The following NSD1 variants were observed in gnomAD, a reference collection of about 807,000 sequenced individuals.
NSD1 encodes nuclear receptor binding SET domain protein 1.
Under a neutral mutation model 242.7 loss-of-function variants are expected in NSD1, and 26 were observed. The ratio of observed to expected loss-of-function variants is 0.11; its 90% confidence interval spans 0.08 to 0.15. NSD1 has a LOEUF of 0.15. Ranked by LOEUF, NSD1 falls within the 10% of genes least tolerant of loss-of-function variation. The pLI is 1.00. For synonymous variants in NSD1, 1,106 were observed against 1,178.1 expected (o/e 0.94, Z 1.25); for missense variants, 2,495 against 3,272.8 (o/e 0.76, Z 5.80).
intron 4 of NSD1, 67 bp from the exon 5 acceptor site, chr5:177,209,569 T>A: frequency 8.2e-7 from 1 of 1,213,354 alleles, no homozygotes; most frequent in Non-Finnish European, 1.2e-6. Flanking sequence ...AGCTTCTGAT[T>A]TCATCTCCCT....
chr5:177,218,992 C>T (rs1764021880), intron 5 of NSD1, among the ~76,000 whole-genome samples: 1 of 151,702 alleles, frequency 6.6e-6, no homozygotes, highest in Non-Finnish European at 1.5e-5. Context: ...AAAGATGTTG[C>T]TCTGTAGTTT....
intron 2 of NSD1, among the ~76,000 whole-genome samples, chr5:177,164,301 C>T (rs1344611572): frequency 1.3e-5 from 2 of 151,946 alleles, no homozygotes; most frequent in South Asian, 2.1e-4. Flanking sequence ...GGATTACAGG[C>T]GCCTGCCACC....
intron 20 of NSD1, among the ~76,000 whole-genome samples, chr5:177,288,166 G>A (rs1192626593): frequency 6.6e-6 from 1 of 152,156 alleles, no homozygotes; most frequent in Non-Finnish European, 1.5e-5. Context: ...ATGGACCTTT[G>A]ACAGAAAGAG....
Position 177,204,120 on chromosome 5 carries a change from T to C in NSD1, c.1064T>C (p.Val355Ala). ...TTCTGGTTCTCTTACCCTTACCTAGTTTCCAACCGGAGGCCCTATCGGCAG... is the reference window on the plus strand; with the variant it reads ...TTCTGGTTCTCTTACCCTTACCTAGCTTCCAACCGGAGGCCCTATCGGCAG... ...PLINTHSKMKVSNRRPYRQYY... is the reference protein window; with the variant it reads ...PLINTHSKMKASNRRPYRQYY... The change falls in exon 4 of 23, where the codon GTT becomes GCT. Residue 355 changes from valine to alanine, a missense_variant and splice_region_variant. Around this residue, in one of 19 missense-constraint regions of NSD1, gnomAD observed 65 missense variants for 136.2 expected, o/e 0.48. Coordinates refer to ENST00000439151, the MANE Select transcript of NSD1 (RefSeq NM_022455.5). 6.2e-7 allele frequency: 1 copy of C among 1,613,892 alleles called. No individual in the cohort carries two copies.
chr5:177,185,222 C>G (rs34177314), intron 2 of NSD1, among the ~76,000 whole-genome samples: 3,855 of 152,152 alleles, frequency 0.025, 48 homozygotes, highest in African/African-American at 0.029. Flanking sequence ...AATCCCAGTA[C>G]TTTAGGAGGG....
intron 2 of NSD1, among the ~76,000 whole-genome samples, chr5:177,143,783 CTTTTTTTTT>C (rs11300578): frequency 8.3e-6 from 1 of 121,132 alleles, no homozygotes; most frequent in Non-Finnish European, 1.7e-5. Flanking sequence ...TACAAGATAA[CTTTTTTTTT>C]TTTTTTTTTT....
At chr5:177,246,656 A>T in intron 9 of NSD1, 22 bp from the exon 10 acceptor site, 2 of 1,532,922 alleles carry the variant, frequency 1.3e-6, no homozygotes, top group Non-Finnish European at 1.8e-6. Flanking sequence ...GCCAGCAGTT[A>T]ACACCTATTT....
chr5:177,228,646 A>G (rs1275988981), intron 5 of NSD1, among the ~76,000 whole-genome samples: 2 of 152,092 alleles, frequency 1.3e-5, no homozygotes, highest in African/African-American at 2.4e-5. Flanking sequence ...GGGTCTAATA[A>G]TCTGTATTGG....
At chr5:177,257,361 G>T (rs1490267755) in intron 13 of NSD1, among the ~76,000 whole-genome samples, 4 of 151,518 alleles carry the variant, frequency 2.6e-5, no homozygotes, top group African/African-American at 9.7e-5. Context: ...CTCCTGAGTA[G>T]CTGGGACTAC....
intron 2 of NSD1, among the ~76,000 whole-genome samples, chr5:177,181,275 C>G (rs1030934179): frequency 1.3e-5 from 2 of 151,906 alleles, no homozygotes; most frequent in Admixed American, 1.3e-4. Context: ...AGTGACAGAG[C>G]AAGACTGTCT....
Position 177,265,708 on chromosome 5 carries a change from C to T in NSD1, c.5147-1854C>T. On this transcript the variant is annotated intron_variant, in intron 14 of 22. Coordinates refer to ENST00000439151, the MANE Select transcript of NSD1 (RefSeq NM_022455.5). ...TGCCGAAGATCTCCTCGCCCGTCTT[C>T]AAGGTCAGGTAGTCCTCCATGTAGA... The T allele has an allele frequency of 1.4e-5, 22 of 1,608,490 alleles. No homozygotes were observed. In the South Asian group the frequency reaches 2.3e-4, roughly 17 times the overall value.
At chr5:177,173,257 A>G (rs377692780) in intron 2 of NSD1, among the ~76,000 whole-genome samples, 1 of 143,682 alleles carries the variant, frequency 7.0e-6, no homozygotes, top group South Asian at 2.2e-4. Flanking sequence ...GCGCCACTGC[A>G]CTCCAGCCTT....
intron 2 of NSD1, chr5:177,137,112 T>A: frequency 2.5e-6 from 1 of 403,872 alleles, no homozygotes; most frequent in Non-Finnish European, 4.4e-6. Flanking sequence ...TTTGAGCTTA[T>A]GAAGAATTTC....
At chr5:177,236,790 A>C (rs1300630313) in intron 6 of NSD1, among the ~76,000 whole-genome samples, 1 of 152,240 alleles carries the variant, frequency 6.6e-6, no homozygotes, top group Admixed American at 6.5e-5. Context: ...TATATTGTAC[A>C]TTAGAGGGTT....
intron 22 of NSD1, 56 bp from the exon 23 acceptor site, chr5:177,293,776 C>T (rs1438463473): frequency 6.3e-7 from 1 of 1,590,304 alleles, no homozygotes; most frequent in African/African-American, 1.3e-5. Flanking sequence ...TAGCCTTGGC[C>T]CATGTGATAT....
intron 2 of NSD1, among the ~76,000 whole-genome samples, chr5:177,148,984 ATTT>A (rs941928886): frequency 2.0e-5 from 3 of 150,598 alleles, no homozygotes; most frequent in African/African-American, 7.3e-5. Flanking sequence ...TGCCTGGCTA[ATTT>A]TTTGTATTTT....
chr5:177,241,749 A>C (rs993954172), intron 8 of NSD1, among the ~76,000 whole-genome samples: 4 of 152,148 alleles, frequency 2.6e-5, no homozygotes, highest in East Asian at 1.9e-4. Context: ...CTGTCCTGCC[A>C]TCTGACCTGG....
chr5:177,261,449 T>C (rs966553289), intron 14 of NSD1, among the ~76,000 whole-genome samples: 5 of 152,094 alleles, frequency 3.3e-5, no homozygotes, highest in African/African-American at 9.7e-5. Context: ...TATTTTCTTT[T>C]CTATCCTTAT....
chr5:177,218,792 A>G (rs1289970580), intron 5 of NSD1, among the ~76,000 whole-genome samples: 5 of 151,038 alleles, frequency 3.3e-5, no homozygotes, highest in East Asian at 2.0e-4. Flanking sequence ...GATGGTCTCC[A>G]TCTCCTGACC....
Sources: gnomAD v4.1 joint callset for allele counts (sites outside exome capture counted in the v4.1 genomes callset) on GRCh38, gnomAD v4.1.1 for gene constraint, gnomAD v4.1.1 regional missense constraint, MANE v1.5 for transcripts, NCBI Gene and HGNC (gene_info 2026-07-23, HGNC 2026-07-21) for gene names.